FAM13C: variants seen among roughly 807,000 people sequenced by gnomAD.
The protein encoded by FAM13C is family with sequence similarity 13 member C, also known as protein FAM13C.
A neutral mutation model predicts 73.2 loss-of-function variants in FAM13C; 37 were observed. The observed-to-expected ratio is 0.51, with a 90% confidence interval of 0.39 to 0.67. FAM13C has a LOEUF of 0.67. Among genes scored for constraint, FAM13C ranks in the 30% least tolerant of loss-of-function variants. The probability of loss-of-function intolerance (pLI) is 0.00; values close to 1 mark genes in which losing one functional copy is unlikely to be tolerated. For missense variants in FAM13C, 589 were observed against 715.6 expected (o/e 0.82, Z 2.02); for synonymous variants, 246 against 260.9 (o/e 0.94, Z 0.55).
intron 1 of FAM13C, 76 bp downstream of exon 1, chr10:59,362,323 G>C: frequency 1.9e-6 from 3 of 1,557,278 alleles, no homozygotes; most frequent in Non-Finnish European, 2.6e-6. Context: ...GGCTGGGAAC[G>C]GTGGAGGATA....
intron 10 of FAM13C, among the ~76,000 whole-genome samples, chr10:59,260,366 CTG>C (rs1329024213): frequency 2.0e-5 from 3 of 152,144 alleles, no homozygotes; most frequent in Admixed American, 2.0e-4. Context: ...GGGTTCTAAT[CTG>C]TCTTTCTGAC....
intron 7 of FAM13C, 38 bp downstream of exon 7, chr10:59,269,861 T>C: frequency 6.2e-7 from 1 of 1,602,716 alleles, no homozygotes; most frequent in South Asian, 1.1e-5. Context: ...TTTGAAAAAC[T>C]GTATGAAATG....
At chr10:59,290,853 G>A (rs1176827962) in intron 5 of FAM13C, among the ~76,000 whole-genome samples, 1 of 152,144 alleles carries the variant, frequency 6.6e-6, no homozygotes. Context: ...GGGTCCTTTA[G>A]CCAGTATTTG....
At chr10:59,290,282 G>A (rs1846068666) in intron 5 of FAM13C, among the ~76,000 whole-genome samples, 1 of 152,148 alleles carries the variant, frequency 6.6e-6, no homozygotes, top group Non-Finnish European at 1.5e-5. Flanking sequence ...TCCCAGAGCA[G>A]GCACAGCTTA....
intron 3 of FAM13C, among the ~76,000 whole-genome samples, chr10:59,326,942 A>G (rs1374779340): frequency 2.0e-5 from 3 of 152,224 alleles, no homozygotes; most frequent in African/African-American, 4.8e-5. Context: ...CCTTTCCTGT[A>G]TTCTAAGATA....
At chr10:59,274,087 T>C (rs1049934220) in intron 6 of FAM13C, among the ~76,000 whole-genome samples, 8 of 152,080 alleles carry the variant, frequency 5.3e-5, no homozygotes, top group African/African-American at 1.7e-4. Context: ...CAAAAGCATG[T>C]CTGTGATTCT....
chr10:59,273,929 G>T (rs1484544238), intron 6 of FAM13C, among the ~76,000 whole-genome samples: 1 of 152,148 alleles, frequency 6.6e-6, no homozygotes, highest in Non-Finnish European at 1.5e-5. Context: ...ATCTCTATCT[G>T]CAAAAACTTG....
At chr10:59,360,191 G>C (rs1304553959) in intron 1 of FAM13C, among the ~76,000 whole-genome samples, 1 of 152,160 alleles carries the variant, frequency 6.6e-6, no homozygotes, top group Non-Finnish European at 1.5e-5. Flanking sequence ...TAGAAAATAG[G>C]TTAGGTAAAA....
intron 5 of FAM13C, among the ~76,000 whole-genome samples, chr10:59,284,385 G>A (rs771345342): frequency 1.3e-5 from 2 of 151,964 alleles, no homozygotes; most frequent in Non-Finnish European, 2.9e-5. Flanking sequence ...GGTCTCAGCT[G>A]CTCTTCTGTC....
At chr10:59,348,734 G>T (rs1425686402) in intron 3 of FAM13C, among the ~76,000 whole-genome samples, 1 of 152,128 alleles carries the variant, frequency 6.6e-6, no homozygotes, top group Non-Finnish European at 1.5e-5. Context: ...TGCCTCCCGG[G>T]TTCAAGGAAT....
intron 4 of FAM13C, among the ~76,000 whole-genome samples, chr10:59,306,199 C>T (rs944869853): frequency 2.0e-5 from 3 of 152,054 alleles, no homozygotes; most frequent in Non-Finnish European, 2.9e-5. Context: ...AAACAAATAA[C>T]CAAGTAGCAA....
At chr10:59,256,189 T>G (rs971278900) in intron 10 of FAM13C, among the ~76,000 whole-genome samples, 1 of 152,204 alleles carries the variant, frequency 6.6e-6, no homozygotes, top group Non-Finnish European at 1.5e-5. Context: ...GGGATTTTAA[T>G]AGATGACAGC....
intron 3 of FAM13C, among the ~76,000 whole-genome samples, chr10:59,341,190 C>A (rs538665705): frequency 4.6e-5 from 7 of 152,210 alleles, no homozygotes; most frequent in Admixed American, 3.3e-4. Flanking sequence ...GCTGGCAAAT[C>A]GACTTACCTT....
rs151136295 is a variant in FAM13C at position 59,286,905 on chromosome 10, G to C, written c.508-3458C>G. Among the ~76,000 whole-genome samples the C allele has an allele frequency of 3.6e-3, 538 of 150,856 alleles. 5 individuals are homozygous for C. Among genetic ancestry groups the C allele is most frequent in the African/African-American group, 0.012 (481 of 41,076 alleles). ...CAAAATTAACCGGGTGTGGTGGCAC[G>C]CACCTGTAATCCCAGCTACTTAGGA... On this transcript the variant is annotated intron_variant, in intron 5 of 13. Transcript: ENST00000618804.
At chr10:59,350,190 T>C in intron 3 of FAM13C, among the ~76,000 whole-genome samples, 1 of 152,214 alleles carries the variant, frequency 6.6e-6, no homozygotes, top group Non-Finnish European at 1.5e-5. Context: ...GAATTTTACC[T>C]GCAGTCCAGG....
chr10:59,329,700 C>T (rs1482374997), intron 3 of FAM13C, among the ~76,000 whole-genome samples: 1 of 152,098 alleles, frequency 6.6e-6, no homozygotes, highest in Non-Finnish European at 1.5e-5. Flanking sequence ...ACCCAGTTTA[C>T]TGCTTTGTTG....
rs574783201 is a variant in FAM13C at position 59,323,150 on chromosome 10, G to A, written c.443+838C>T. On this transcript the variant is annotated intron_variant, in intron 4 of 13. Transcript: ENST00000618804. Reference sequence around the variant, plus strand: ...TCTAAAGGTCAGGCTCAGAAGCACAGCCCTCCCTTTCCACTGAGTGAGGGC... The same window carrying A: ...TCTAAAGGTCAGGCTCAGAAGCACAACCCTCCCTTTCCACTGAGTGAGGGC... The A allele has an allele frequency of 2.0e-5, 3 of 152,338 alleles. No homozygotes were observed. In the South Asian group the frequency reaches 6.2e-4, roughly 32 times the overall value. 9.4% of individuals were successfully genotyped at this position (152,338 alleles called of 1,614,324 possible).
chr10:59,326,454 T>C (rs973840037), intron 3 of FAM13C, among the ~76,000 whole-genome samples: 21 of 152,260 alleles, frequency 1.4e-4, no homozygotes, highest in African/African-American at 4.8e-4. Context: ...GTGATAGGTA[T>C]GTGTGATTGT....
chr10:59,276,728 A>C (rs906773830), intron 6 of FAM13C, among the ~76,000 whole-genome samples: 2 of 152,192 alleles, frequency 1.3e-5, no homozygotes, highest in Admixed American at 6.5e-5. Flanking sequence ...AATGACATGG[A>C]AGAAGAAATT....
Sources: allele counts gnomAD v4.1 joint callset (sites outside exome capture counted in the v4.1 genomes callset), GRCh38; gene constraint gnomAD v4.1.1; transcripts MANE v1.5; gene names NCBI Gene and HGNC (gene_info 2026-07-23, HGNC 2026-07-21).